The following SASS6 variants were observed in gnomAD, a reference collection of about 807,000 sequenced individuals.
SASS6 encodes the protein spindle assembly abnormal protein 6 homolog.
SASS6 carries 59 observed loss-of-function variants against 94.9 expected under a neutral mutation model. The ratio of observed to expected loss-of-function variants is 0.62; its 90% CI spans 0.50 to 0.77. The LOEUF is 0.77. SASS6 is among the 30% of genes least tolerant of loss of function. The probability of loss-of-function intolerance (pLI) is 0.00; values close to 1 mark genes in which losing one functional copy is unlikely to be tolerated. For synonymous variants in SASS6, 264 were observed against 270.0 expected, an observed-to-expected ratio of 0.98 and a Z score of 0.22; for missense variants, 698 against 734.1, an observed-to-expected ratio of 0.95 and a Z score of 0.57.
chr1:100,120,551 C>T (rs1654114017), intron 5 of SASS6, 92 bp from the exon 6 acceptor site: 3 of 625,544 alleles, frequency 4.8e-6, no homozygotes, highest in African/African-American at 3.7e-5. Context: ...ATCCTGGAAG[C>T]CTGTTAGAAA....
intron 2 of SASS6, 124 bp downstream of exon 2, chr1:100,125,758 T>C: frequency 1.5e-6 from 1 of 660,670 alleles, no homozygotes; most frequent in Non-Finnish European, 2.7e-6. Context: ...TTTCCAACAG[T>C]TGCAAAATAG....
At chr1:100,093,166 A>C (rs1411335025) in intron 14 of SASS6, among the ~76,000 whole-genome samples, 1 of 132,722 alleles carries the variant, frequency 7.5e-6, no homozygotes, top group Non-Finnish European at 1.6e-5. Context: ...CAGAATACCT[A>C]TTGTTTTCTT....
intron 1 of SASS6, among the ~76,000 whole-genome samples, chr1:100,131,535 A>G (rs1238445870): frequency 6.6e-6 from 1 of 152,204 alleles, no homozygotes; most frequent in East Asian, 1.9e-4. Flanking sequence ...TCCAACGTGC[A>G]TTTTCATATG....
At chr1:100,125,319 C>T (rs530144190) in intron 2 of SASS6, among the ~76,000 whole-genome samples, 29 of 150,088 alleles carry the variant, frequency 1.9e-4, no homozygotes, top group South Asian at 1.9e-3. Flanking sequence ...TATGCAACTT[C>T]TAAGTGCACT....
At chr1:100,100,115 A>G (rs982338525) in intron 14 of SASS6, among the ~76,000 whole-genome samples, 1 of 151,992 alleles carries the variant, frequency 6.6e-6, no homozygotes, top group Non-Finnish European at 1.5e-5. Flanking sequence ...AAAATACAAA[A>G]ATTAGCCAGG....
At position 100,132,887 on chromosome 1, in the gene SASS6, C is replaced by A; in HGVS notation, c.-73G>T. 1 of 1,391,926 alleles carries A rather than the reference C, an allele frequency of 7.2e-7. No individual in the cohort carries two copies. The highest frequency in any genetic ancestry group is 1.0e-6 in the Non-Finnish European group (1 of 988,124). 86.2% of individuals were successfully genotyped at this position (1,391,926 alleles called of 1,614,324 possible). ...GCCCTCGGGATTAGCCTGAGAGGTC[C>A]GGGTCCTGATAAAGTTTGAGTTTGG... On this transcript the variant is annotated 5_prime_UTR_variant, in exon 1 of 17. Coordinates refer to ENST00000287482, the MANE Select transcript of SASS6 (RefSeq NM_194292.3).
chr1:100,086,267 G>A (rs1411722780), intron 15 of SASS6, among the ~76,000 whole-genome samples: 1 of 152,042 alleles, frequency 6.6e-6, no homozygotes, highest in Non-Finnish European at 1.5e-5. Context: ...AAAATTAAAT[G>A]ATGGTTGCTC....
chr1:100,132,916 T>C lies in SASS6; in HGVS notation c.-102A>G. 1 of 1,210,572 alleles carries C rather than the reference T, an allele frequency of 8.3e-7. No individual in the cohort carries two copies. Among genetic ancestry groups the C allele is most frequent in the Non-Finnish European group, 1.2e-6 (1 of 831,626 alleles). 75.0% of individuals were successfully genotyped at this position (1,210,572 alleles called of 1,614,324 possible). A position where few individuals can be genotyped will look rare whatever the true frequency, so the allele number is the denominator to read the frequency against. On this transcript the variant is annotated 5_prime_UTR_variant, in exon 1 of 17. Transcript: ENST00000287482. Reference sequence around the variant, plus strand: ...TCCTGATAAAGTTTGAGTTTGGCGCTCGGCTTCTGCGGAGGAGGCGGGGAG... The same window carrying C: ...TCCTGATAAAGTTTGAGTTTGGCGCCCGGCTTCTGCGGAGGAGGCGGGGAG...
At chr1:100,129,820 T>C (rs1654870411) in intron 1 of SASS6, among the ~76,000 whole-genome samples, 1 of 152,214 alleles carries the variant, frequency 6.6e-6, no homozygotes, top group Non-Finnish European at 1.5e-5. Flanking sequence ...TAGTGTCAAA[T>C]CATGGGTTCC....
At position 100,107,619 on chromosome 1, in the gene SASS6, AAAAC is replaced by A. The variant is rs1454082393; in HGVS notation, c.1146+5_1146+8del. 1 of 1,582,520 alleles carries A rather than the reference AAAAC, an allele frequency of 6.3e-7. No individual in the cohort carries two copies. The highest frequency in any genetic ancestry group is 8.6e-7 in the Non-Finnish European group (1 of 1,163,044). On this transcript the variant is annotated splice_donor_5th_base_variant and intron_variant, in intron 10 of 16. Coordinates refer to ENST00000287482, the MANE Select transcript of SASS6 (RefSeq NM_194292.3). ...TGAAATACTAGTCTATAAAATTTTT[AAAAC>A]AAACCTTCAGAAGTTCTGCAGATAA...
At chr1:100,097,652 C>T (rs1052900581) in intron 14 of SASS6, among the ~76,000 whole-genome samples, 20 of 151,936 alleles carry the variant, frequency 1.3e-4, no homozygotes, top group African/African-American at 4.8e-4. Flanking sequence ...TGGTGAAACT[C>T]CATCTCTACA....
At chr1:100,110,910 C>T (rs1254637707) in intron 7 of SASS6, among the ~76,000 whole-genome samples, 2 of 151,764 alleles carry the variant, frequency 1.3e-5, no homozygotes, top group East Asian at 1.9e-4. Flanking sequence ...AATAAATACT[C>T]GTATATATGC....
intron 1 of SASS6, among the ~76,000 whole-genome samples, chr1:100,127,746 A>T (rs551269275): frequency 6.7e-6 from 1 of 148,934 alleles, no homozygotes; most frequent in South Asian, 2.2e-4. Flanking sequence ...TGGCTACTTC[A>T]GAGGCTGAGG....
intron 7 of SASS6, among the ~76,000 whole-genome samples, chr1:100,113,615 C>T (rs371672010): frequency 5.7e-5 from 8 of 139,272 alleles, no homozygotes; most frequent in African/African-American, 1.3e-4. Context: ...GAGTGAGACT[C>T]GGTCTCAAAA....
intron 2 of SASS6, among the ~76,000 whole-genome samples, chr1:100,124,842 T>A (rs1370859727): frequency 1.3e-5 from 2 of 152,190 alleles, no homozygotes; most frequent in African/African-American, 4.8e-5. Flanking sequence ...ATAAGGAGCA[T>A]ACAGCTGAGA....
intron 14 of SASS6, among the ~76,000 whole-genome samples, chr1:100,093,164 C>T (rs1651862487): frequency 6.8e-6 from 1 of 148,064 alleles, no homozygotes; most frequent in Admixed American, 6.7e-5. Flanking sequence ...AACAGAATAC[C>T]TATTGTTTTC....
At chr1:100,122,072 C>T (rs752592644) in intron 4 of SASS6, among the ~76,000 whole-genome samples, 6 of 152,166 alleles carry the variant, frequency 3.9e-5, no homozygotes, top group African/African-American at 7.2e-5. Context: ...AAGAATCAGG[C>T]GTTAGCACCA....
chr1:100,118,295 A>G (rs1188654734), intron 7 of SASS6, among the ~76,000 whole-genome samples: 1 of 141,402 alleles, frequency 7.1e-6, no homozygotes, highest in African/African-American at 2.7e-5. Flanking sequence ...AGCCTGGGCA[A>G]CAAAAGCAAA....
At chr1:100,108,071 A>G in intron 8 of SASS6, 67 bp from the exon 9 acceptor site, 1 of 888,568 alleles carries the variant, frequency 1.1e-6, no homozygotes, top group Non-Finnish European at 1.7e-6. Context: ...GGTTATTTAT[A>G]ATTAAGATGT....
Sources: allele counts gnomAD v4.1 joint callset (sites outside exome capture counted in the v4.1 genomes callset), GRCh38; gene constraint gnomAD v4.1.1; transcripts MANE v1.5; gene names NCBI Gene and HGNC (gene_info 2026-07-23, HGNC 2026-07-21).